Variants in GABRB3 observed in about 807,000 individuals in gnomAD.
The protein encoded by GABRB3 is gamma-aminobutyric acid receptor subunit beta-3.
Under a neutral mutation model 52.1 loss-of-function variants are expected in GABRB3, and 14 were observed. That is an observed-to-expected ratio of 0.27 (90% CI 0.18 to 0.42). GABRB3 has a LOEUF of 0.42. Ranked by LOEUF, GABRB3 falls within the 10% of genes least tolerant of loss-of-function variation. GABRB3 has a pLI of 1.00. For missense variants in GABRB3, 307 were observed against 609.1 expected (o/e 0.50, Z 5.22); for synonymous variants, 260 against 232.3 (o/e 1.12, Z -1.08).
intron 3 of GABRB3, among the ~76,000 whole-genome samples, chr15:26,650,578 C>A (rs190164749): frequency 3.1e-3 from 473 of 152,148 alleles, no homozygotes; most frequent in Non-Finnish European, 5.3e-3. Flanking sequence ...AAGCTGAAGA[C>A]AATTTAAAGC....
Position 26,554,203 on chromosome 15 carries a change from A to T in GABRB3, c.1081-6069T>A, listed in dbSNP as rs192813570. On this transcript the variant is annotated intron_variant, in intron 8 of 8. Coordinates refer to ENST00000311550, the MANE Select transcript of GABRB3 (RefSeq NM_000814.6). ...ATATATATATATACTATATATATAT[A>T]TATATAGTAGAAACAAGGTCTCTCT... Among the ~76,000 whole-genome samples the T allele has an allele frequency of 6.3e-3, 287 of 45,748 alleles. 22 individuals carry two copies. Among genetic ancestry groups the T allele is most frequent in the East Asian group, 0.021 (59 of 2,848 alleles). 30.0% of individuals were successfully genotyped at this position (45,748 alleles called of 152,430 possible).
intron 3 of GABRB3, among the ~76,000 whole-genome samples, chr15:26,690,606 A>G (rs116918706): frequency 3.0e-4 from 46 of 152,010 alleles, no homozygotes; most frequent in Non-Finnish European, 6.0e-4. Flanking sequence ...GGTAGTGGGC[A>G]CACTCTGGTC....
At chr15:26,648,728 C>A (rs1436487256) in intron 3 of GABRB3, among the ~76,000 whole-genome samples, 1 of 152,222 alleles carries the variant, frequency 6.6e-6, no homozygotes, top group Non-Finnish European at 1.5e-5. Context: ...AAACCACAGA[C>A]AGAAGCCCAA....
At chr15:26,742,019 T>C (rs1890220882) in intron 3 of GABRB3, among the ~76,000 whole-genome samples, 1 of 152,204 alleles carries the variant, frequency 6.6e-6, no homozygotes, top group African/African-American at 2.4e-5. Context: ...ATCCTCACAA[T>C]GCAATTTCTG....
intron 3 of GABRB3, among the ~76,000 whole-genome samples, chr15:26,724,184 T>C (rs1043089783): frequency 9.2e-5 from 14 of 152,202 alleles, no homozygotes; most frequent in Admixed American, 8.5e-4. Flanking sequence ...ATGTCACTTG[T>C]TCTGAAACTC....
At position 26,621,114 on chromosome 15, in the gene GABRB3, G is replaced by A. The variant is rs1892465952; in HGVS notation, c.461+200C>T. 8.0e-6 allele frequency among the ~76,000 whole-genome samples: 1 copy of A among 125,436 alleles called. No individual in the cohort carries two copies. Among genetic ancestry groups the A allele is most frequent in the African/African-American group, 2.7e-5 (1 of 36,852 alleles). The allele number at this position is 125,436 out of a possible 152,430, so 82.3% of individuals were successfully genotyped here. ...ATCCAAAGGTGGCTGTTTTTCAACT[G>A]CTTGTGACTATTTACAGTAACAGTA... is the stretch of plus-strand genomic sequence containing the variant. On this transcript the variant is annotated intron_variant, in intron 4 of 8. Transcript: ENST00000311550. This position sits in a 1 kb window ranked among gnomAD's most constrained non-coding sequence, Gnocchi z 4.1.
intron 6 of GABRB3, chr15:26,569,428 A>C (rs1890310475): frequency 1.3e-5 from 2 of 152,232 alleles, no homozygotes; most frequent in Non-Finnish European, 2.9e-5. Context: ...TCATAGCATA[A>C]TAATTTTTAG....
chr15:26,658,937 G>A (rs887200506), intron 3 of GABRB3, among the ~76,000 whole-genome samples: 14 of 152,194 alleles, frequency 9.2e-5, no homozygotes, highest in East Asian at 1.9e-4. Flanking sequence ...GAATCACTAC[G>A]CTAAAATAAA....
intron 3 of GABRB3, among the ~76,000 whole-genome samples, chr15:26,688,922 T>C (rs1888491423): frequency 1.3e-5 from 2 of 152,222 alleles, no homozygotes; most frequent in Admixed American, 6.5e-5. Flanking sequence ...TTTATTCTGG[T>C]TTCTTTAAGC....
chr15:26,606,820 A>ATATT (rs374134626), intron 4 of GABRB3, among the ~76,000 whole-genome samples: 23 of 16,148 alleles, frequency 1.4e-3, no homozygotes, highest in South Asian at 6.7e-3. Context: ...ATAGATAGAT[A>ATATT]GATAGATAGA....
At chr15:26,564,150 A>T (rs1024075515) in intron 7 of GABRB3, among the ~76,000 whole-genome samples, 6 of 152,060 alleles carry the variant, frequency 3.9e-5, no homozygotes, top group African/African-American at 1.4e-4. Context: ...AGCATTTCAG[A>T]TTTTGGATTT....
At chr15:26,573,173 C>T (rs1890470036) in intron 6 of GABRB3, among the ~76,000 whole-genome samples, 1 of 152,142 alleles carries the variant, frequency 6.6e-6, no homozygotes, top group Non-Finnish European at 1.5e-5. Context: ...TGAGGCACTC[C>T]CACTGCAGCC....
At chr15:26,743,257 A>T (rs1264947226) in intron 3 of GABRB3, among the ~76,000 whole-genome samples, 1 of 152,116 alleles carries the variant, frequency 6.6e-6, no homozygotes, top group Non-Finnish European at 1.5e-5. Context: ...AAAATGGCAC[A>T]CATGAAATAG....
intron 3 of GABRB3, among the ~76,000 whole-genome samples, chr15:26,651,797 C>G (rs1462367592): frequency 6.6e-6 from 1 of 152,170 alleles, no homozygotes; most frequent in African/African-American, 2.4e-5. Context: ...AGACAGGAGG[C>G]CCTGAAGGAA....
At chr15:26,573,500 G>A (rs1890483556) in intron 6 of GABRB3, among the ~76,000 whole-genome samples, 1 of 152,154 alleles carries the variant, frequency 6.6e-6, no homozygotes, top group African/African-American at 2.4e-5. Context: ...ATATAACAGT[G>A]CAGCAAAGAA....
intron 3 of GABRB3, among the ~76,000 whole-genome samples, chr15:26,645,898 G>C (rs1260102642): frequency 6.6e-6 from 1 of 151,736 alleles, no homozygotes; most frequent in African/African-American, 2.4e-5. Flanking sequence ...GGTCTTTGTA[G>C]ACCGCCTGAT....
At chr15:26,706,191 T>C (rs11631421) in intron 3 of GABRB3, among the ~76,000 whole-genome samples, 85,017 of 152,044 alleles carry the variant, frequency 0.56, 24,980 homozygotes, top group East Asian at 0.8. Context: ...TCAGGCTCTA[T>C]CCACCTTCGA....
At chr15:26,584,014 G>A (rs968090362) in intron 4 of GABRB3, among the ~76,000 whole-genome samples, 3 of 152,152 alleles carry the variant, frequency 2.0e-5, no homozygotes, top group African/African-American at 7.2e-5. Flanking sequence ...TTGACCTCGT[G>A]ATCCGCCTGC....
chr15:26,662,170 G>C (rs1887572740), intron 3 of GABRB3, among the ~76,000 whole-genome samples: 1 of 152,120 alleles, frequency 6.6e-6, no homozygotes, highest in Non-Finnish European at 1.5e-5. Context: ...CTTCCCAGCT[G>C]ATCTATACTT....
Sources: gnomAD v4.1 joint callset for allele counts (sites outside exome capture counted in the v4.1 genomes callset) on GRCh38, gnomAD v4.1.1 for gene constraint, Gnocchi (gnomAD v3.1) non-coding constraint, MANE v1.5 for transcripts, NCBI Gene and HGNC (gene_info 2026-07-23, HGNC 2026-07-21) for gene names.